The following ROBO2 variants were observed in gnomAD, a reference collection of about 807,000 sequenced individuals.
ROBO2 encodes roundabout homolog 2.
Under a neutral mutation model 160.8 loss-of-function variants are expected in ROBO2, and 53 were observed. That is an observed-to-expected ratio of 0.33 (90% CI 0.26 to 0.41). The LOEUF is 0.41. Among genes scored for constraint, ROBO2 ranks in the 10% least tolerant of loss-of-function variants. The pLI is 1.00. For synonymous variants in ROBO2, 664 were observed against 611.7 expected, an observed-to-expected ratio of 1.09 and a Z score of -1.26; for missense variants, 1,577 against 1,722.4, an observed-to-expected ratio of 0.92 and a Z score of 1.49.
At chr3:77,371,301 A>C (rs1197764539) in intron 2 of ROBO2, among the ~76,000 whole-genome samples, 6 of 152,184 alleles carry the variant, frequency 3.9e-5, no homozygotes, top group Non-Finnish European at 8.8e-5. Context: ...TCTCCTCTAC[A>C]AGTAGTGCTC....
chr3:76,923,485 T>C lies in ROBO2; in HGVS notation c.110-174529T>C, dbSNP rs116637999. ...ATTGTTATTAGCAAAATAGAGTCTC[T>C]ATTTCATCAAATAGGCTGCATCCAA... On this transcript the variant is annotated intron_variant, in intron 2 of 26. Transcript: ENST00000487694. 8.3e-3 allele frequency among the ~76,000 whole-genome samples: 1,257 copies of C among 152,334 alleles called. 9 individuals carry two copies. The highest frequency in any genetic ancestry group is 0.028 in the African/African-American group (1,179 of 41,568).
At chr3:77,201,231 C>T (rs1180605116) in intron 2 of ROBO2, among the ~76,000 whole-genome samples, 1 of 152,118 alleles carries the variant, frequency 6.6e-6, no homozygotes, top group Non-Finnish European at 1.5e-5. Context: ...GAGTTGAACC[C>T]AGAACTTTCT....
chr3:76,129,653 G>T (rs563479176), intron 2 of ROBO2, among the ~76,000 whole-genome samples: 2 of 152,152 alleles, frequency 1.3e-5, no homozygotes, highest in South Asian at 4.1e-4. Flanking sequence ...AAATGAAAGG[G>T]TTTATGTGCA....
intron 2 of ROBO2, among the ~76,000 whole-genome samples, chr3:77,240,531 C>T (rs2088873386): frequency 6.6e-6 from 1 of 152,178 alleles, no homozygotes; most frequent in Non-Finnish European, 1.5e-5. Context: ...GAGGGGCTCC[C>T]ACACTGCAGC....
At chr3:76,732,996 G>GA (rs1019700278) in intron 2 of ROBO2, among the ~76,000 whole-genome samples, 3 of 140,560 alleles carry the variant, frequency 2.1e-5, no homozygotes, top group Admixed American at 7.4e-5. Flanking sequence ...ACTGGGGGTG[G>GA]GGGGGGGAGG....
chr3:76,659,009 C>T (rs999177985), intron 2 of ROBO2, among the ~76,000 whole-genome samples: 1 of 152,006 alleles, frequency 6.6e-6, no homozygotes, highest in Admixed American at 6.6e-5. Context: ...ATGAGGCCTT[C>T]ATTCAAAGGA....
At chr3:76,431,926 T>A (rs2076453887) in intron 2 of ROBO2, among the ~76,000 whole-genome samples, 1 of 152,168 alleles carries the variant, frequency 6.6e-6, no homozygotes, top group African/African-American at 2.4e-5. Flanking sequence ...AGGTCAAAAA[T>A]TAGATACATT....
In ROBO2 at chr3:77,597,552, G is replaced by A. The variant is rs114897799; in HGVS notation, c.2854+802G>A. On this transcript the variant is annotated intron_variant, in intron 19 of 25. Coordinates refer to ENST00000461745, the Ensembl canonical transcript of ROBO2. ...AGTGTGGCTTGGCAGGTTCATGTGA[G>A]TTTTCCGTTGGTGGAAGATTGTACA... Among the ~76,000 whole-genome samples the A allele has an allele frequency of 4.0e-3, 611 of 152,214 alleles. 4 individuals carry two copies. The highest frequency in any genetic ancestry group is 0.014 in the African/African-American group (585 of 41,536).
intron 2 of ROBO2, among the ~76,000 whole-genome samples, chr3:76,141,157 CTCTA>C (rs1247774592): frequency 4.6e-3 from 82 of 17,940 alleles, no homozygotes; most frequent in South Asian, 5.9e-3. Context: ...CTCTCTCTCT[CTCTA>C]TATATATATA....
chr3:76,254,000 G>A (rs1231895666), intron 2 of ROBO2, among the ~76,000 whole-genome samples: 1 of 151,956 alleles, frequency 6.6e-6, no homozygotes, highest in Non-Finnish European at 1.5e-5. Context: ...GATATGCTAT[G>A]ATAGCAATAC....
intron 2 of ROBO2, among the ~76,000 whole-genome samples, chr3:76,847,344 C>T (rs954034486): frequency 2.0e-5 from 3 of 152,116 alleles, no homozygotes; most frequent in Non-Finnish European, 4.4e-5. Context: ...GGTTATTTTG[C>T]TCATGTTGCT....
chr3:77,326,023 A>G (rs1268558062), intron 2 of ROBO2, among the ~76,000 whole-genome samples: 1 of 152,186 alleles, frequency 6.6e-6, no homozygotes, highest in East Asian at 1.9e-4. Context: ...TTTTAATTTT[A>G]GAAAACATTT....
intron 2 of ROBO2, among the ~76,000 whole-genome samples, chr3:76,350,490 G>A (rs531149426): frequency 6.6e-6 from 1 of 152,036 alleles, no homozygotes; most frequent in Admixed American, 6.6e-5. Context: ...TTTATAACAA[G>A]ACTTATACCA....
At chr3:77,011,875 G>T (rs1436832602) in intron 2 of ROBO2, among the ~76,000 whole-genome samples, 3 of 152,018 alleles carry the variant, frequency 2.0e-5, no homozygotes, top group African/African-American at 7.2e-5. Context: ...AATCAATGAT[G>T]AATTCATTCC....
chr3:77,358,440 A>G (rs77417581), intron 2 of ROBO2, among the ~76,000 whole-genome samples: 4,346 of 152,304 alleles, frequency 0.029, 228 homozygotes, highest in African/African-American at 0.098. Flanking sequence ...ATTTCCAAAT[A>G]AAGTCACATT....
intron 2 of ROBO2, among the ~76,000 whole-genome samples, chr3:77,298,724 A>G (rs2062376518): frequency 6.6e-6 from 1 of 152,156 alleles, no homozygotes; most frequent in South Asian, 2.1e-4. Context: ...ATGAGTTTAA[A>G]TTATTCTCTG....
At chr3:76,375,347 G>A (rs560263401) in intron 2 of ROBO2, among the ~76,000 whole-genome samples, 5 of 152,040 alleles carry the variant, frequency 3.3e-5, no homozygotes, top group Non-Finnish European at 5.9e-5. Context: ...AAATAGATAA[G>A]GGTGGCAAAC....
chr3:76,955,938 T>C (rs2079224229), intron 2 of ROBO2, among the ~76,000 whole-genome samples: 1 of 150,800 alleles, frequency 6.6e-6, no homozygotes. Context: ...CCATCTTAAA[T>C]ACATTTTAAA....
At chr3:77,262,033 G>A (rs149076014) in intron 2 of ROBO2, among the ~76,000 whole-genome samples, 8 of 152,138 alleles carry the variant, frequency 5.3e-5, no homozygotes, top group Admixed American at 2.0e-4. Context: ...GAAAAATAGT[G>A]GCTTCAAGTT....
Sources: allele counts gnomAD v4.1 joint callset (sites outside exome capture counted in the v4.1 genomes callset), GRCh38; gene constraint gnomAD v4.1.1; transcripts MANE v1.5; gene names NCBI Gene and HGNC (gene_info 2026-07-23, HGNC 2026-07-21).